The following TXNRD1 variants were observed in gnomAD, a reference collection of about 807,000 sequenced individuals.
TXNRD1 encodes thioredoxin reductase 1.
Under a neutral mutation model 80.3 loss-of-function variants are expected in TXNRD1, and 57 were observed. That is an observed-to-expected ratio of 0.71 (90% CI 0.57 to 0.89). The LOEUF (loss-of-function observed/expected upper bound fraction) is 0.89. Among genes scored for constraint, TXNRD1 ranks in the 40% least tolerant of loss-of-function variants. The pLI is 0.00. For missense variants in TXNRD1, 730 were observed against 803.0 expected (o/e 0.91, Z 1.10); for synonymous variants, 291 against 285.2 (o/e 1.02, Z -0.20).
chr12:104,232,008 A>G (rs1200873076), intron 1 of TXNRD1, among the ~76,000 whole-genome samples: 3 of 152,236 alleles, frequency 2.0e-5, no homozygotes, highest in Admixed American at 2.0e-4. Context: ...ACAAATTATT[A>G]TAGGACTGTG....
chr12:104,311,216 G>T, intron 4 of TXNRD1, 74 bp from the exon 5 acceptor site: 2 of 1,450,036 alleles, frequency 1.4e-6, no homozygotes, highest in Non-Finnish European at 1.8e-6. Context: ...TTTAAGAAAA[G>T]ATTTTCTTAC....
At chr12:104,335,399 C>T (rs1012591937) in intron 15 of TXNRD1, among the ~76,000 whole-genome samples, 3 of 152,054 alleles carry the variant, frequency 2.0e-5, no homozygotes, top group Admixed American at 6.6e-5. Flanking sequence ...GGGGTTTCAC[C>T]ATGTTGGCCA....
chr12:104,265,317 C>T (rs35651749), intron 3 of TXNRD1: 435,113 of 1,605,274 alleles, frequency 0.27, 65,047 homozygotes, highest in Non-Finnish European at 0.31. Context: ...CCATGAAGGC[C>T]TCGGGCACGC....
chr12:104,243,812 C>G (rs909251708), intron 1 of TXNRD1, among the ~76,000 whole-genome samples: 2 of 152,210 alleles, frequency 1.3e-5, no homozygotes, highest in African/African-American at 4.8e-5. Flanking sequence ...AACTCAAGTT[C>G]TAACACATGG....
In TXNRD1 at chr12:104,310,027, C is replaced by T. The variant is rs751370566; in HGVS notation, c.415-1263C>T. 9.4e-5 allele frequency: 144 copies of T among 1,536,094 alleles called. No homozygotes were observed. In the Middle Eastern group the frequency reaches 1.8e-3, roughly 20 times the overall value. On this transcript the variant is annotated intron_variant, in intron 4 of 16. Coordinates refer to ENST00000525566, the MANE Select transcript of TXNRD1 (RefSeq NM_001093771.3). ...CCACATCCCAAGAACCTTCTTCTTC[C>T]GCTGACCCCAAGCTCTGCCTTTCAC... is the stretch of plus-strand genomic sequence containing the variant.
chr12:104,227,311 A>T (rs1321494841), intron 1 of TXNRD1, among the ~76,000 whole-genome samples: 2 of 151,930 alleles, frequency 1.3e-5, no homozygotes, highest in Non-Finnish European at 2.9e-5. Flanking sequence ...ACCCAGGCTC[A>T]AGTGCAATGG....
intron 3 of TXNRD1, among the ~76,000 whole-genome samples, chr12:104,278,310 C>A (rs1357935083): frequency 6.7e-6 from 1 of 149,228 alleles, no homozygotes; most frequent in Non-Finnish European, 1.5e-5. Context: ...ACGCCTTTTT[C>A]CTGCCTCAGC....
chr12:104,314,286 C>T (rs1161680467), intron 6 of TXNRD1, among the ~76,000 whole-genome samples: 1 of 152,252 alleles, frequency 6.6e-6, no homozygotes, highest in Middle Eastern at 3.4e-3. Context: ...GCAGGGGAGC[C>T]ATGTGATAAT....
At chr12:104,281,670 T>C (rs532359335) in intron 3 of TXNRD1, among the ~76,000 whole-genome samples, 25 of 152,082 alleles carry the variant, frequency 1.6e-4, no homozygotes, top group Non-Finnish European at 2.6e-4. Context: ...CCTCCTGAAG[T>C]GCTGGGATTA....
chr12:104,265,474 A>T lies in TXNRD1; in HGVS notation c.304+7395A>T, dbSNP rs553994520. ...TGTATCTCAGTTAAAGAAGATGAAG[A>T]AGTCTTCAGGGGAGATTGTCTACTG... On this transcript the variant is annotated intron_variant, in intron 3 of 16. Transcript: ENST00000525566. 5 of 1,608,412 alleles carry T rather than the reference A, an allele frequency of 3.1e-6. No homozygotes were observed. The African/African-American group carries it at 4.0e-5, about 13-fold the overall frequency.
intron 2 of TXNRD1, among the ~76,000 whole-genome samples, chr12:104,256,275 A>T (rs1458337663): frequency 6.6e-6 from 1 of 152,230 alleles, no homozygotes; most frequent in East Asian, 1.9e-4. Context: ...ACTAACGTCT[A>T]CGTAAAGGTA....
intron 10 of TXNRD1, among the ~76,000 whole-genome samples, chr12:104,321,894 C>T (rs1009578305): frequency 8.6e-5 from 13 of 152,020 alleles, no homozygotes; most frequent in Admixed American, 2.6e-4. Flanking sequence ...ATATGAGTGA[C>T]AAAATTGAAC....
intron 3 of TXNRD1, among the ~76,000 whole-genome samples, chr12:104,285,411 T>C (rs1230941952): frequency 6.6e-6 from 1 of 152,214 alleles, no homozygotes; most frequent in Non-Finnish European, 1.5e-5. Flanking sequence ...TACATGGTGC[T>C]ACTCTGGGCA....
At chr12:104,316,047 C>T (rs1190120787) in intron 7 of TXNRD1, 151 bp downstream of exon 7, 14 of 797,448 alleles carry the variant, frequency 1.8e-5, no homozygotes, top group East Asian at 3.4e-5. Flanking sequence ...TGGAGTTATC[C>T]TTTGTCAAGT....
At chr12:104,225,013 G>T in intron 1 of TXNRD1, 1 of 402,630 alleles carries the variant, frequency 2.5e-6, no homozygotes. Context: ...TTGAAAGAGG[G>T]GATAACACCA....
intron 6 of TXNRD1, among the ~76,000 whole-genome samples, chr12:104,314,888 C>T (rs1163995107): frequency 3.3e-5 from 5 of 151,896 alleles, no homozygotes; most frequent in Non-Finnish European, 4.4e-5. Context: ...ATTACAGACA[C>T]GTACCACCAT....
rs1329255643 is a variant in TXNRD1 at position 104,350,005 on chromosome 12, T to C, written c.*1584T>C. On this transcript the variant is annotated 3_prime_UTR_variant, in exon 17 of 17. Transcript: ENST00000525566. ...GACCATATTCAGTTTTATTTATTTA[T>C]TTTTAATTTGTTTTTTTCTCCAAGT... The C allele has an allele frequency of 1.3e-5, 2 of 152,246 alleles. No individual in the cohort carries two copies. The highest frequency in any genetic ancestry group is 2.9e-5 in the Non-Finnish European group (2 of 68,038). 9.4% of individuals were successfully genotyped at this position (152,246 alleles called of 1,614,324 possible). A position where few individuals can be genotyped will look rare whatever the true frequency, so the allele number is the denominator to read the frequency against.
At chr12:104,267,655 TTC>T (rs1373050375) in intron 3 of TXNRD1, among the ~76,000 whole-genome samples, 1 of 27,594 alleles carries the variant, frequency 3.6e-5, no homozygotes, top group Admixed American at 3.6e-4. Context: ...GTATCTTTCT[TTC>T]TTTCTTTCTT....
intron 3 of TXNRD1, among the ~76,000 whole-genome samples, chr12:104,283,747 A>G (rs556923551): frequency 1.3e-5 from 2 of 152,156 alleles, no homozygotes; most frequent in East Asian, 2.0e-4. Context: ...GCACATGCCT[A>G]TAATCCCATC....
Sources: gnomAD v4.1 joint callset for allele counts (sites outside exome capture counted in the v4.1 genomes callset) on GRCh38, gnomAD v4.1.1 for gene constraint, MANE v1.5 for transcripts, NCBI Gene and HGNC (gene_info 2026-07-23, HGNC 2026-07-21) for gene names.